PCDHGB6: variants seen among roughly 807,000 people sequenced by gnomAD.
PCDHGB6 encodes protocadherin gamma subfamily B, 6, also known as protocadherin gamma-B6.
A neutral mutation model predicts 59.1 loss-of-function variants in PCDHGB6; 51 were observed. That is an observed-to-expected ratio of 0.86 (90% confidence interval 0.69 to 1.09). PCDHGB6 has a LOEUF of 1.09. PCDHGB6 is among the 50% of genes least tolerant of loss of function. The pLI, the probability that PCDHGB6 is intolerant of heterozygous loss-of-function variation, is 0.00. For synonymous variants in PCDHGB6, 466 were observed against 495.1 expected (o/e 0.94, Z 0.78); for missense variants, 1,148 against 1,205.1 (o/e 0.95, Z 0.70).
intron 1 of PCDHGB6, chr5:141,478,400 C>A (rs1295855090): frequency 6.2e-7 from 1 of 1,613,550 alleles, no homozygotes; most frequent in East Asian, 2.2e-5. Context: ...TCAGGTGTAT[C>A]TCACCACGGA....
chr5:141,431,447 G>C lies in PCDHGB6; in HGVS notation c.2418+20827G>C. ...GCGCACAGGCACCGCGCGCATCCGC[G>C]TGATGGTTCTGGATGCGAACGACAA... is the stretch of plus-strand genomic sequence containing the variant. On this transcript the variant is annotated intron_variant, in intron 1 of 3. Coordinates refer to ENST00000520790, the MANE Select transcript of PCDHGB6 (RefSeq NM_018926.3). The surrounding 1 kb of genome is among the most constrained non-coding windows in gnomAD (Gnocchi z 4.8). The C allele has an allele frequency of 6.2e-7, 1 of 1,613,792 alleles. No individual in the cohort carries two copies. Among genetic ancestry groups the C allele is most frequent in the Non-Finnish European group, 8.5e-7 (1 of 1,180,014 alleles).
At position 141,432,872 on chromosome 5, in the gene PCDHGB6, C is replaced by T; in HGVS notation, c.2418+22252C>T. On this transcript the variant is annotated intron_variant, in intron 1 of 3. Transcript: ENST00000520790. This position sits in a 1 kb window ranked among gnomAD's most constrained non-coding sequence, Gnocchi z 6.0. ...GGTGGCCGCGGTCTCCTGCGTCTTC[C>T]TGGCCTTCGTCATCTTGCTGCTGGC... is the stretch of plus-strand genomic sequence containing the variant. 1.9e-6 allele frequency: 3 copies of T among 1,614,192 alleles called. No homozygotes were observed. Among genetic ancestry groups the T allele is most frequent in the Non-Finnish European group, 2.5e-6 (3 of 1,180,018 alleles).
intron 1 of PCDHGB6, chr5:141,422,641 A>G (rs557969590): frequency 1.2e-6 from 2 of 1,612,356 alleles, no homozygotes; most frequent in Admixed American, 1.7e-5. Context: ...GGGTGCCTCC[A>G]TCTTCTCAGT....
chr5:141,476,772 G>A lies in PCDHGB6; in HGVS notation c.2419-18035G>A. 1 of 1,613,650 alleles carries A rather than the reference G, an allele frequency of 6.2e-7. No homozygotes were observed. Among genetic ancestry groups the A allele is most frequent in the South Asian group, 1.1e-5 (1 of 91,086 alleles). ...CAGTTAGTGCTGACGGCGTTGGACG[G>A]AGGGACCCCAGCTCTCTCCGCCAGC... is the stretch of plus-strand genomic sequence containing the variant. On this transcript the variant is annotated intron_variant, in intron 1 of 3. Coordinates refer to ENST00000520790, the MANE Select transcript of PCDHGB6 (RefSeq NM_018926.3). The surrounding 1 kb of genome is among the most constrained non-coding windows in gnomAD (Gnocchi z 7.6).
Position 141,476,962 on chromosome 5 carries a change from C to T in PCDHGB6, c.2419-17845C>T. The stretch of plus-strand genomic sequence containing the variant: ...GCCCCAACGGTGAAATTATTTACTC[C>T]TTCGGCAGCCACAACCGCGCCGGCG... On this transcript the variant is annotated intron_variant, in intron 1 of 3. Coordinates refer to ENST00000520790, the MANE Select transcript of PCDHGB6 (RefSeq NM_018926.3). The surrounding 1 kb of genome is among the most constrained non-coding windows in gnomAD (Gnocchi z 7.6). 6.2e-7 allele frequency: 1 copy of T among 1,614,200 alleles called. No homozygotes were observed. Among genetic ancestry groups the T allele is most frequent in the South Asian group, 1.1e-5 (1 of 91,090 alleles).
intron 1 of PCDHGB6, among the ~76,000 whole-genome samples, chr5:141,482,356 G>A (rs1330274684): frequency 6.6e-6 from 1 of 152,118 alleles, no homozygotes; most frequent in Non-Finnish European, 1.5e-5. Flanking sequence ...TGTTGTGAGA[G>A]TGAAAAGTAA....
intron 1 of PCDHGB6, among the ~76,000 whole-genome samples, chr5:141,468,797 C>T (rs191599825): frequency 0.01 from 1,525 of 151,876 alleles, 28 homozygotes; most frequent in African/African-American, 0.035. Flanking sequence ...ACCCGGGAGG[C>T]GGAACTTGCA....
chr5:141,438,767 T>C (rs1478209487), intron 1 of PCDHGB6, among the ~76,000 whole-genome samples: 2 of 148,566 alleles, frequency 1.3e-5, no homozygotes, highest in Non-Finnish European at 3.0e-5. Flanking sequence ...GTTCAAGCGA[T>C]TCTCCTGCCT....
At chr5:141,470,511 A>T (rs1043414941) in intron 1 of PCDHGB6, among the ~76,000 whole-genome samples, 37 of 152,198 alleles carry the variant, frequency 2.4e-4, no homozygotes, top group African/African-American at 8.7e-4. Flanking sequence ...TTAGACAGTT[A>T]GCTAATATTA....
In PCDHGB6 at chr5:141,491,533, C is replaced by G. The variant is rs758270791; in HGVS notation, c.2419-3274C>G. 4.3e-6 allele frequency: 7 copies of G among 1,614,010 alleles called. No homozygotes were observed. The highest frequency in any genetic ancestry group is 5.1e-6 in the Non-Finnish European group (6 of 1,180,028). ...GCTCAAGTACATGGAGGTGACGCTGCGGCCCACAGACTCGCAGAGCCACTG... is the reference window on the plus strand; with the variant it reads ...GCTCAAGTACATGGAGGTGACGCTGGGGCCCACAGACTCGCAGAGCCACTG... On this transcript the variant is annotated intron_variant, in intron 1 of 3. Transcript: ENST00000520790. The surrounding 1 kb of genome is among the most constrained non-coding windows in gnomAD (Gnocchi z 6.9).
chr5:141,451,233 T>A (rs1431967203), intron 1 of PCDHGB6, among the ~76,000 whole-genome samples: 1 of 152,216 alleles, frequency 6.6e-6, no homozygotes, highest in African/African-American at 2.4e-5. Flanking sequence ...GCATTTATTA[T>A]CTCATAAATT....
At chr5:141,498,248 G>A (rs1484987588) in intron 2 of PCDHGB6, among the ~76,000 whole-genome samples, 2 of 152,208 alleles carry the variant, frequency 1.3e-5, no homozygotes, top group Non-Finnish European at 2.9e-5. Flanking sequence ...CTTCAAAGCA[G>A]GGCTGGTGTT....
Position 141,431,335 on chromosome 5 carries a change from C to G in PCDHGB6, c.2418+20715C>G, listed in dbSNP as rs747132346. On this transcript the variant is annotated intron_variant, in intron 1 of 3. Transcript: ENST00000520790. The surrounding 1 kb of genome is among the most constrained non-coding windows in gnomAD (Gnocchi z 4.8). ...ATGGAGCCGACGGTAGTAAGTACCC[C>G]GAATTGGTGCTGAAACGCGCCCTGG... 2 of 1,614,062 alleles carry G rather than the reference C, an allele frequency of 1.2e-6. No homozygotes were observed. Among genetic ancestry groups the G allele is most frequent in the Non-Finnish European group, 1.7e-6 (2 of 1,180,022 alleles).
intron 1 of PCDHGB6, chr5:141,415,721 G>A (rs1201366552): frequency 3.0e-6 from 2 of 675,878 alleles, no homozygotes; most frequent in Admixed American, 7.4e-5. Context: ...CTGATGAGTA[G>A]AATTTGATGT....
In PCDHGB6 at chr5:141,485,126, G is replaced by C; in HGVS notation, c.2419-9681G>C. ...TGCTGTGGCTGTTTGGGGCGGGTCG[G>C]CTTCATCCGCGTCTCAGGAGCAAGT... On this transcript the variant is annotated intron_variant, in intron 1 of 3. Transcript: ENST00000520790. The surrounding 1 kb of genome is among the most constrained non-coding windows in gnomAD (Gnocchi z 5.7). 1.4e-6 allele frequency: 2 copies of C among 1,432,378 alleles called. No homozygotes were observed. The highest frequency in any genetic ancestry group is 2.4e-5 in the South Asian group (2 of 81,724). 88.7% of individuals were successfully genotyped at this position (1,432,378 alleles called of 1,614,324 possible). A position where few individuals can be genotyped will look rare whatever the true frequency, so the allele number is the denominator to read the frequency against.
Position 141,487,321 on chromosome 5 carries a change from T to C in PCDHGB6, c.2419-7486T>C. 1.2e-6 allele frequency: 2 copies of C among 1,614,198 alleles called. No individual in the cohort carries two copies. The highest frequency in any genetic ancestry group is 1.7e-6 in the Non-Finnish European group (2 of 1,180,040). Reference sequence around the variant, plus strand: ...TCGTGGCACTACTCTCTAAGTGTCTTCGTGGGGCAGCCTGTGGAGTCACAT... The same window carrying C: ...TCGTGGCACTACTCTCTAAGTGTCTCCGTGGGGCAGCCTGTGGAGTCACAT... On this transcript the variant is annotated intron_variant, in intron 1 of 3. Transcript: ENST00000520790. The surrounding 1 kb of genome is among the most constrained non-coding windows in gnomAD (Gnocchi z 5.0).
intron 1 of PCDHGB6, among the ~76,000 whole-genome samples, chr5:141,468,747 T>A (rs2099176715): frequency 6.6e-6 from 1 of 151,990 alleles, no homozygotes; most frequent in South Asian, 2.1e-4. Context: ...GTGCCTGTAG[T>A]CCCAGCTACT....
chr5:141,475,572 C>T (rs2099365596), intron 1 of PCDHGB6, among the ~76,000 whole-genome samples: 1 of 152,214 alleles, frequency 6.6e-6, no homozygotes, highest in South Asian at 2.1e-4. Context: ...TTCCAACAAG[C>T]CAGATTTGTT....
rs934044974 is a variant in PCDHGB6, at chr5:141,476,034, C to T, written c.2419-18773C>T. 3 of 1,464,488 alleles carry T rather than the reference C, an allele frequency of 2.0e-6. No individual in the cohort carries two copies. The highest frequency in any genetic ancestry group is 2.3e-5 in the Admixed American group (1 of 44,364). The allele number at this position is 1,464,488 out of a possible 1,614,324, so 90.7% of individuals were successfully genotyped here. A position where few individuals can be genotyped will look rare whatever the true frequency, so the allele number is the denominator to read the frequency against. On this transcript the variant is annotated intron_variant, in intron 1 of 3. Transcript: ENST00000520790. The surrounding 1 kb of genome is among the most constrained non-coding windows in gnomAD (Gnocchi z 7.6). ...CCATGTCGGACTCGGCGCCCAGCGC[C>T]CAAGCGCTAACCCGCTGAAAGTTTC...
Sources: allele counts gnomAD v4.1 joint callset (sites outside exome capture counted in the v4.1 genomes callset), GRCh38; gene constraint gnomAD v4.1.1; non-coding constraint Gnocchi (gnomAD v3.1); transcripts MANE v1.5; gene names NCBI Gene and HGNC (gene_info 2026-07-23, HGNC 2026-07-21).